The following MID1 variants were observed in gnomAD, a reference collection of about 807,000 sequenced individuals.
MID1 encodes the protein E3 ubiquitin-protein ligase Midline-1.
A neutral mutation model predicts 40.4 loss-of-function variants in MID1; 7 were observed. The observed-to-expected ratio is 0.17, with a 90% CI of 0.10 to 0.33. The LOEUF (loss-of-function observed/expected upper bound fraction) is 0.33, where lower values mean the gene tolerates loss of function less well. Among genes scored for constraint, MID1 ranks in the 10% least tolerant of loss-of-function variants. The pLI is 1.00. For synonymous variants in MID1, 229 were observed against 221.2 expected, an observed-to-expected ratio of 1.04 and a Z score of -0.31; for missense variants, 367 against 558.5, an observed-to-expected ratio of 0.66 and a Z score of 3.46.
At chrX:10,553,271 AATATAT>A (rs922109190) in intron 2 of MID1, among the ~76,000 whole-genome samples, 1 of 107,280 alleles carries the variant, frequency 9.3e-6, no homozygotes, top group Non-Finnish European at 1.9e-5. Context: ...AAATAAAAAA[AATATAT>A]ATATATATGT....
intron 1 of MID1, among the ~76,000 whole-genome samples, chrX:10,760,233 C>T (rs1367672359): frequency 9.0e-6 from 1 of 111,557 alleles, no homozygotes; most frequent in Non-Finnish European, 1.9e-5. Context: ...TTTTATAAAT[C>T]TACAATTGTG....
intron 1 of MID1, among the ~76,000 whole-genome samples, chrX:10,738,122 G>A (rs1035456742): frequency 8.1e-5 from 9 of 111,567 alleles, no homozygotes; most frequent in Non-Finnish European, 1.1e-4. Flanking sequence ...GACAGTTAGC[G>A]GTCATCCCCC....
At chrX:10,465,999 C>T (rs1929365224) in intron 7 of MID1, among the ~76,000 whole-genome samples, 1 of 112,221 alleles carries the variant, frequency 8.9e-6, no homozygotes, top group African/African-American at 3.2e-5. Context: ...CTCACATGGG[C>T]CAAGAACCAC....
intron 1 of MID1, among the ~76,000 whole-genome samples, chrX:10,750,231 T>C (rs1265664415): frequency 9.0e-6 from 1 of 111,609 alleles, no homozygotes; most frequent in African/African-American, 3.3e-5. Flanking sequence ...GAAGTTTTCA[T>C]ACTCTAATCT....
chrX:10,731,789 G>T (rs767479001), intron 1 of MID1, among the ~76,000 whole-genome samples: 1 of 108,484 alleles, frequency 9.2e-6, no homozygotes. Context: ...CGAAAACACC[G>T]TCTCTATTAA....
intron 1 of MID1, among the ~76,000 whole-genome samples, chrX:10,688,897 T>G (rs2043115545): frequency 9.0e-6 from 1 of 111,402 alleles, no homozygotes. Flanking sequence ...ACCTATCCTC[T>G]GGCTTTTTTC....
At chrX:10,572,769 A>T (rs977963522) in intron 1 of MID1, among the ~76,000 whole-genome samples, 1 of 111,933 alleles carries the variant, frequency 8.9e-6, no homozygotes, top group African/African-American at 3.3e-5. Context: ...TGAGAAGAGG[A>T]TCTAGATAAT....
chrX:10,768,726 G>T (rs936429166), intron 1 of MID1, among the ~76,000 whole-genome samples: 2 of 111,969 alleles, frequency 1.8e-5, no homozygotes, highest in East Asian at 2.8e-4. Context: ...GGTCCTTGGG[G>T]GCAGTGTTAA....
chrX:10,549,455 A>G (rs1174725480), intron 2 of MID1, among the ~76,000 whole-genome samples: 1 of 113,262 alleles, frequency 8.8e-6, no homozygotes, highest in Admixed American at 9.2e-5. Context: ...CCAGTCACCT[A>G]TTTTTATAGA....
chrX:10,829,158 A>G (rs1310241097), intron 1 of MID1, among the ~76,000 whole-genome samples: 1 of 112,231 alleles, frequency 8.9e-6, no homozygotes, highest in African/African-American at 3.2e-5. Flanking sequence ...GTGTCAGTAC[A>G]GATATAAATA....
At chrX:10,681,691 C>T (rs1242926669) in intron 1 of MID1, among the ~76,000 whole-genome samples, 1 of 111,473 alleles carries the variant, frequency 9.0e-6, no homozygotes, top group Non-Finnish European at 1.9e-5. Flanking sequence ...ATATATTCTA[C>T]CTCTTGGTGG....
chrX:10,772,654 A>G (rs2043778703), intron 1 of MID1, among the ~76,000 whole-genome samples: 1 of 111,432 alleles, frequency 9.0e-6, no homozygotes, highest in South Asian at 3.7e-4. Flanking sequence ...TTTTAAATAC[A>G]AATTCAAAAA....
At chrX:10,591,210 G>A (rs1414403375) in intron 1 of MID1, among the ~76,000 whole-genome samples, 4 of 112,195 alleles carry the variant, frequency 3.6e-5, no homozygotes, top group African/African-American at 1.3e-4. Context: ...ACTGATTAGA[G>A]AAAGTATCAC....
At chrX:10,761,094 C>T (rs2043674829) in intron 1 of MID1, among the ~76,000 whole-genome samples, 1 of 111,856 alleles carries the variant, frequency 8.9e-6, no homozygotes, top group Non-Finnish European at 1.9e-5. Flanking sequence ...TATCTTATCA[C>T]ACAGCTGATA....
chrX:10,789,676 T>A (rs1018820758), intron 1 of MID1, among the ~76,000 whole-genome samples: 6 of 112,234 alleles, frequency 5.3e-5, no homozygotes, highest in Admixed American at 9.4e-5. Flanking sequence ...AATGATGCAT[T>A]TCTCAGAACG....
intron 1 of MID1, among the ~76,000 whole-genome samples, chrX:10,754,299 G>GTTTTTTTTTT (rs1268373586): frequency 8.8e-5 from 9 of 102,174 alleles, no homozygotes; most frequent in African/African-American, 3.9e-4. Flanking sequence ...AGACAAGAGA[G>GTTTTTTTTTT]TTTTTTTTTG....
Position 10,446,107 on chromosome X carries a change from T to C in MID1, c.*3261A>G, listed in dbSNP as rs1404361054. The C allele has an allele frequency of 9.0e-6, 1 of 111,465 alleles. No individual in the cohort carries two copies. Among genetic ancestry groups the C allele is most frequent in the Non-Finnish European group, 1.9e-5 (1 of 53,106 alleles). 9.2% of individuals were successfully genotyped at this position (111,465 alleles called of 1,213,427 possible). The stretch of plus-strand genomic sequence containing the variant: ...CTTCCCCGGCTGCGACAACCAAAAG[T>C]TGCCATTGCATTGCCAAATGTCTCC... On this transcript the variant is annotated 3_prime_UTR_variant, in exon 10 of 10. Coordinates refer to ENST00000317552, the MANE Select transcript of MID1 (RefSeq NM_000381.4).
intron 1 of MID1, among the ~76,000 whole-genome samples, chrX:10,716,588 G>A (rs766221356): frequency 1.3e-4 from 14 of 111,223 alleles, no homozygotes; most frequent in East Asian, 2.8e-4. Context: ...TGAAAGTGAC[G>A]GGGAGAATGG....
At chrX:10,828,128 T>C (rs1358130891) in intron 1 of MID1, among the ~76,000 whole-genome samples, 1 of 112,057 alleles carries the variant, frequency 8.9e-6, no homozygotes, top group African/African-American at 3.2e-5. Flanking sequence ...ATCGATCATA[T>C]ATGAGATTCA....
Sources: gnomAD v4.1 joint callset for allele counts (sites outside exome capture counted in the v4.1 genomes callset) on GRCh38, gnomAD v4.1.1 for gene constraint, MANE v1.5 for transcripts, NCBI Gene and HGNC (gene_info 2026-07-23, HGNC 2026-07-21) for gene names.